Variants in PTPN9 observed in about 807,000 individuals in gnomAD.
PTPN9 encodes the protein protein tyrosine phosphatase non-receptor type 9, also known as tyrosine-protein phosphatase non-receptor type 9.
A neutral mutation model predicts 69.8 loss-of-function variants in PTPN9; 26 were observed. The observed-to-expected ratio is 0.37, with a 90% CI of 0.27 to 0.52. The LOEUF is 0.52. Among genes scored for constraint, PTPN9 ranks in the 20% least tolerant of loss-of-function variants. The probability of loss-of-function intolerance (pLI) is 0.91; values close to 1 mark genes in which losing one functional copy is unlikely to be tolerated. For synonymous variants in PTPN9, 274 were observed against 272.5 expected, an observed-to-expected ratio of 1.01 and a Z score of -0.05; for missense variants, 549 against 740.3, an observed-to-expected ratio of 0.74 and a Z score of 3.00.
intron 9 of PTPN9, among the ~76,000 whole-genome samples, chr15:75,477,221 C>G (rs1382731946): frequency 2.0e-5 from 3 of 152,188 alleles, no homozygotes; most frequent in African/African-American, 4.8e-5. Flanking sequence ...TAATAAACCT[C>G]CCTTGCAGAG....
intron 6 of PTPN9, among the ~76,000 whole-genome samples, chr15:75,507,795 A>G (rs1408365366): frequency 2.0e-5 from 3 of 151,776 alleles, no homozygotes; most frequent in South Asian, 2.1e-4. Context: ...TTGTAATCCC[A>G]GCACTTTGGG....
intron 1 of PTPN9, among the ~76,000 whole-genome samples, chr15:75,564,727 T>C (rs1040640511): frequency 6.6e-6 from 1 of 151,690 alleles, no homozygotes; most frequent in Non-Finnish European, 1.5e-5. Flanking sequence ...GAGGGCAAGG[T>C]AGGAGGATCC....
intron 8 of PTPN9, among the ~76,000 whole-genome samples, chr15:75,480,343 G>A (rs1359894126): frequency 2.6e-5 from 4 of 152,150 alleles, no homozygotes; most frequent in South Asian, 2.1e-4. Context: ...GGTGGCTCAC[G>A]CCTGTAATCC....
At chr15:75,485,218 G>A (rs80057247) in intron 8 of PTPN9, among the ~76,000 whole-genome samples, 3,141 of 152,188 alleles carry the variant, frequency 0.021, 181 homozygotes, top group Admixed American at 0.11. Context: ...CCTGGCACAT[G>A]CAAATGGTAT....
At chr15:75,486,308 A>G (rs949800927) in intron 8 of PTPN9, among the ~76,000 whole-genome samples, 1 of 152,150 alleles carries the variant, frequency 6.6e-6, no homozygotes, top group African/African-American at 2.4e-5. Flanking sequence ...GCCTTTAGAC[A>G]GGTGATTAGG....
At chr15:75,541,761 C>A (rs920618063) in intron 1 of PTPN9, among the ~76,000 whole-genome samples, 10 of 151,694 alleles carry the variant, frequency 6.6e-5, no homozygotes, top group East Asian at 4.0e-4. Context: ...GGTTGGAGTG[C>A]AGTAGTGCGA....
At chr15:75,494,817 A>G (rs1266358872) in intron 7 of PTPN9, among the ~76,000 whole-genome samples, 2 of 151,692 alleles carry the variant, frequency 1.3e-5, no homozygotes, top group East Asian at 3.9e-4. Flanking sequence ...TGAAGTCAGG[A>G]GTTTGAGACC....
chr15:75,504,723 C>A (rs1352104805), intron 7 of PTPN9, among the ~76,000 whole-genome samples: 1 of 139,886 alleles, frequency 7.1e-6, no homozygotes, highest in South Asian at 2.3e-4. Flanking sequence ...AGGTGAGGGG[C>A]GCCTCTGCCC....
chr15:75,465,392 A>G lies in PTPN9; in HGVS notation c.*3377T>C, dbSNP rs1488292695. ...GTACTGGGATTACAGGCATAAAGCC[A>G]CTGCACTTGGACCCTGAGCATTTTC... On this transcript the variant is annotated 3_prime_UTR_variant, in exon 13 of 13. Coordinates refer to ENST00000618819, the MANE Select transcript of PTPN9 (RefSeq NM_002833.4). 6.6e-6 allele frequency: 1 copy of G among 152,196 alleles called. No homozygotes were observed. Among genetic ancestry groups the G allele is most frequent in the Non-Finnish European group, 1.5e-5 (1 of 68,060 alleles). The allele number at this position is 152,196 out of a possible 1,614,324, so 9.4% of individuals were successfully genotyped here.
chr15:75,561,218 G>C (rs1480213794), intron 1 of PTPN9, among the ~76,000 whole-genome samples: 1 of 151,930 alleles, frequency 6.6e-6, no homozygotes, highest in Non-Finnish European at 1.5e-5. Flanking sequence ...GGGAGGCTGA[G>C]GCAGGAGAAT....
rs1054527224 is a variant in PTPN9, at chr15:75,578,750, G to T, written c.27C>A (p.Pro9=). MEPATAPR[P]DMAPELTPEE... ...CCGGGGTCAGCTCCGGCGCCATGTC[G>T]GGCCGGGGCGCGGTCGCGGGCTCCA... Residue 9 remains proline (P), a synonymous_variant, in exon 1 of 13, where the codon CCC becomes CCA. Coordinates refer to ENST00000618819, the MANE Select transcript of PTPN9 (RefSeq NM_002833.4). 7.7e-7 allele frequency: 1 copy of T among 1,300,830 alleles called. No homozygotes were observed. Among genetic ancestry groups the T allele is most frequent in the Non-Finnish European group, 9.8e-7 (1 of 1,025,484 alleles). 80.6% of individuals were successfully genotyped at this position (1,300,830 alleles called of 1,614,324 possible). A position where few individuals can be genotyped will look rare whatever the true frequency, so the allele number is the denominator to read the frequency against.
intron 1 of PTPN9, among the ~76,000 whole-genome samples, chr15:75,569,532 C>T (rs1463838997): frequency 6.6e-6 from 1 of 151,806 alleles, no homozygotes; most frequent in Non-Finnish European, 1.5e-5. Flanking sequence ...AGCTGAAACC[C>T]CATCTCTACA....
intron 1 of PTPN9, chr15:75,570,282 A>G (rs953094888): frequency 6.6e-6 from 1 of 152,196 alleles, no homozygotes; most frequent in African/African-American, 2.4e-5. Context: ...ATCATAAATC[A>G]TTTGGTCCTT....
intron 1 of PTPN9, among the ~76,000 whole-genome samples, chr15:75,566,624 A>G (rs1215059780): frequency 1.3e-5 from 2 of 151,930 alleles, no homozygotes; most frequent in Admixed American, 6.6e-5. Context: ...GGTTGCAGTG[A>G]GCTGAGATCG....
In PTPN9 at chr15:75,508,926, G is replaced by A; in HGVS notation, c.630C>T (p.Val210=). ...GGCAAGCTTGCCTTACCCTCTCCCGGACTTTGTCCTTCAGGAGGAGACTGA... is the reference window on the plus strand; with the variant it reads ...GGCAAGCTTGCCTTACCCTCTCCCGAACTTTGTCCTTCAGGAGGAGACTGA... ...SIISLLLKDK[V]RERIQILKTS... Residue 210 remains valine (V), a synonymous_variant, in exon 6 of 13, where the codon GTC becomes GTT. Transcript: ENST00000618819. 1.2e-6 allele frequency: 2 copies of A among 1,612,724 alleles called. No individual in the cohort carries two copies. Among genetic ancestry groups the A allele is most frequent in the Non-Finnish European group, 1.7e-6 (2 of 1,178,804 alleles).
intron 9 of PTPN9, among the ~76,000 whole-genome samples, chr15:75,479,448 A>G (rs1013909495): frequency 2.6e-5 from 4 of 152,180 alleles, no homozygotes; most frequent in South Asian, 2.1e-4. Flanking sequence ...TAGGACAGCA[A>G]TACTCATTCC....
intron 1 of PTPN9, 112 bp downstream of exon 1, chr15:75,578,602 A>G: frequency 1.1e-6 from 1 of 894,552 alleles, no homozygotes; most frequent in South Asian, 3.9e-5. Context: ...CGGGCACGGG[A>G]GCGGGGGGCT....
chr15:75,556,729 A>G (rs1463812557), intron 1 of PTPN9, among the ~76,000 whole-genome samples: 1 of 152,166 alleles, frequency 6.6e-6, no homozygotes, highest in African/African-American at 2.4e-5. Flanking sequence ...CATTTTTACT[A>G]TTCCTAAATA....
intron 4 of PTPN9, among the ~76,000 whole-genome samples, chr15:75,520,484 G>GATAA (rs1567500031): frequency 2.4e-3 from 149 of 62,878 alleles, no homozygotes; most frequent in African/African-American, 7.5e-3. Flanking sequence ...ATAGATAGAT[G>GATAA]TGTGTGTGTT....
Sources: allele counts gnomAD v4.1 joint callset (sites outside exome capture counted in the v4.1 genomes callset), GRCh38; gene constraint gnomAD v4.1.1; transcripts MANE v1.5; gene names NCBI Gene and HGNC (gene_info 2026-07-23, HGNC 2026-07-21).